The following DPM1 variants were observed in gnomAD, a reference collection of about 807,000 sequenced individuals.
The protein encoded by DPM1 is dolichyl-phosphate mannosyltransferase subunit 1, catalytic.
A neutral mutation model predicts 39.0 loss-of-function variants in DPM1; 27 were observed. The observed-to-expected ratio is 0.69, with a 90% confidence interval of 0.51 to 0.95. DPM1 has a LOEUF of 0.95. DPM1 is among the 40% of genes least tolerant of loss of function. The pLI, the probability that DPM1 is intolerant of heterozygous loss-of-function variation, is 0.00. For missense variants in DPM1, 307 were observed against 315.6 expected, an observed-to-expected ratio of 0.97 and a Z score of 0.21; for synonymous variants, 124 against 109.0, an observed-to-expected ratio of 1.14 and a Z score of -0.86.
chr20:50,952,269 T>A (rs1174137682), intron 2 of DPM1, among the ~76,000 whole-genome samples: 1 of 152,228 alleles, frequency 6.6e-6, no homozygotes, highest in Non-Finnish European at 1.5e-5. Flanking sequence ...CTATAATTTG[T>A]TTGACAAGAA....
In DPM1 at chr20:50,940,948, A is replaced by C. The variant is rs11553479; in HGVS notation, c.495-15T>G. 1.1e-5 allele frequency: 17 copies of C among 1,612,744 alleles called. No individual in the cohort carries two copies. The highest frequency in any genetic ancestry group is 1.4e-5 in the Non-Finnish European group (17 of 1,179,042). On this transcript the variant is annotated splice_polypyrimidine_tract_variant and intron_variant, in intron 6 of 8. Transcript: ENST00000371588. ...TGGCCCCACGGCTGCCAAATAAAAC[A>C]ATCAGATCTTCTTTACAAAATACAA...
intron 7 of DPM1, among the ~76,000 whole-genome samples, chr20:50,937,729 T>C (rs1023213148): frequency 2.0e-5 from 3 of 152,192 alleles, no homozygotes; most frequent in Admixed American, 1.3e-4. Flanking sequence ...GCCTCCCAAG[T>C]AGCTGAGACT....
chr20:50,940,086 T>TTGTG (rs11469059), intron 7 of DPM1, among the ~76,000 whole-genome samples: 4,580 of 146,578 alleles, frequency 0.031, 85 homozygotes, highest in South Asian at 0.04. Flanking sequence ...AGGTCCTAAT[T>TTGTG]TGTGTGTGTG....
chr20:50,948,754 T>C (rs1301030131), intron 2 of DPM1, 92 bp from the exon 3 acceptor site: 2 of 1,139,392 alleles, frequency 1.8e-6, no homozygotes, highest in South Asian at 1.2e-5. Context: ...CTCACTTTAA[T>C]AGAAATATAG....
intron 7 of DPM1, among the ~76,000 whole-genome samples, chr20:50,938,355 T>G (rs1985389829): frequency 6.6e-6 from 1 of 151,982 alleles, no homozygotes; most frequent in South Asian, 2.1e-4. Context: ...ACCACTCTTA[T>G]GAGAAGACAA....
rs142189406 is a variant in DPM1, at chr20:50,941,796, T to C, written c.494+235A>G. 4.4e-4 allele frequency among the ~76,000 whole-genome samples: 67 copies of C among 152,318 alleles called. 1 individual carries two copies. Among genetic ancestry groups the C allele is most frequent in the African/African-American group, 1.4e-3 (59 of 41,568 alleles). On this transcript the variant is annotated intron_variant, in intron 6 of 8. Coordinates refer to ENST00000371588, the MANE Select transcript of DPM1 (RefSeq NM_003859.3). Reference sequence around the variant, plus strand: ...ACTGAAGGTCCAGTACAGTAACTTTTGCTGAATGAGACCATTTCTACCAAA... The same window carrying C: ...ACTGAAGGTCCAGTACAGTAACTTTCGCTGAATGAGACCATTTCTACCAAA...
intron 7 of DPM1, among the ~76,000 whole-genome samples, chr20:50,939,628 C>CT (rs959569739): frequency 4.2e-5 from 6 of 142,604 alleles, no homozygotes; most frequent in South Asian, 2.3e-4. Context: ...CAATGCCTGG[C>CT]TTTTTTTTGA....
intron 1 of DPM1, 100 bp from the exon 2 acceptor site, chr20:50,955,385 AT>A (rs1986775403): frequency 1.2e-6 from 1 of 816,306 alleles, no homozygotes; most frequent in African/African-American, 1.7e-5. Context: ...ATGGAGATGT[AT>A]TGCTATATTA....
intron 2 of DPM1, among the ~76,000 whole-genome samples, chr20:50,953,947 C>T (rs1246914992): frequency 1.3e-5 from 2 of 152,138 alleles, no homozygotes; most frequent in African/African-American, 2.4e-5. Flanking sequence ...TTACCTCTTT[C>T]TGTATTCCCA....
chr20:50,948,592 G>T (rs1221189700), intron 3 of DPM1, 37 bp downstream of exon 3: 1 of 1,603,974 alleles, frequency 6.2e-7, no homozygotes, highest in East Asian at 2.2e-5. Context: ...CACCAAGCAA[G>T]CAGCAGGTGT....
chr20:50,943,546 G>A (rs950557049), intron 5 of DPM1, among the ~76,000 whole-genome samples: 30 of 151,726 alleles, frequency 2.0e-4, no homozygotes, highest in African/African-American at 6.0e-4. Context: ...TTTCTAGTAG[G>A]GACGGGGTTT....
chr20:50,940,086 T>TTTTG (rs1985587257), intron 7 of DPM1, among the ~76,000 whole-genome samples: 1 of 146,538 alleles, frequency 6.8e-6, no homozygotes, highest in Non-Finnish European at 1.5e-5. Context: ...AGGTCCTAAT[T>TTTTG]TGTGTGTGTG....
At chr20:50,957,413 CAAGTAA>C (rs1438909513) in intron 1 of DPM1, among the ~76,000 whole-genome samples, 1 of 152,178 alleles carries the variant, frequency 6.6e-6, no homozygotes, top group Non-Finnish European at 1.5e-5. Flanking sequence ...CCCTAGTACA[CAAGTAA>C]AAGTATGAAC....
intron 2 of DPM1, among the ~76,000 whole-genome samples, chr20:50,954,239 CTTCT>C (rs1229283895): frequency 6.6e-6 from 1 of 152,140 alleles, no homozygotes. Flanking sequence ...CTCAAAGGGA[CTTCT>C]TTCTCTATAC....
chr20:50,944,024 G>A (rs1410067629), intron 5 of DPM1, among the ~76,000 whole-genome samples: 1 of 152,182 alleles, frequency 6.6e-6, no homozygotes, highest in Non-Finnish European at 1.5e-5. Context: ...ACAGGCGTGA[G>A]CCACTGCGCC....
intron 7 of DPM1, among the ~76,000 whole-genome samples, chr20:50,938,388 A>ATT (rs1317989390): frequency 2.1e-5 from 3 of 143,604 alleles, no homozygotes; most frequent in African/African-American, 7.6e-5. Flanking sequence ...ATTAAAAAAA[A>ATT]TTTTTTTTTT....
At chr20:50,935,434 T>C (rs1040568838) in intron 8 of DPM1, among the ~76,000 whole-genome samples, 198 bp from the exon 9 acceptor site, 7 of 152,186 alleles carry the variant, frequency 4.6e-5, no homozygotes, top group Non-Finnish European at 1.0e-4. Context: ...TATCTAAAGA[T>C]AGGTCACATG....
chr20:50,954,666 A>G (rs1986738580), intron 2 of DPM1, among the ~76,000 whole-genome samples: 1 of 152,236 alleles, frequency 6.6e-6, no homozygotes, highest in South Asian at 2.1e-4. Context: ...TAGGACTAAT[A>G]CAGTCAATCT....
chr20:50,941,926 C>T (rs1041190920), intron 6 of DPM1, 105 bp downstream of exon 6: 1 of 978,128 alleles, frequency 1.0e-6, no homozygotes, highest in Admixed American at 1.7e-5. Context: ...GAAGTTATAA[C>T]CTGATCCCAC....
Sources: allele counts gnomAD v4.1 joint callset (sites outside exome capture counted in the v4.1 genomes callset), GRCh38; gene constraint gnomAD v4.1.1; transcripts MANE v1.5; gene names NCBI Gene and HGNC (gene_info 2026-07-23, HGNC 2026-07-21).